The following PTPN9 variants were observed in gnomAD, a reference collection of about 807,000 sequenced individuals.
PTPN9 encodes tyrosine-protein phosphatase non-receptor type 9.
Under a neutral mutation model 69.8 loss-of-function variants are expected in PTPN9, and 26 were observed. The ratio of observed to expected loss-of-function variants is 0.37; its 90% CI spans 0.27 to 0.52. The LOEUF (loss-of-function observed/expected upper bound fraction) is 0.52. Ranked by LOEUF, PTPN9 falls within the 20% of genes least tolerant of loss-of-function variation. PTPN9 has a pLI of 0.91. For missense variants in PTPN9, 549 were observed against 740.3 expected (o/e 0.74, Z 3.00); for synonymous variants, 274 against 272.5 (o/e 1.01, Z -0.05).
At chr15:75,510,781 G>C (rs2074841965) in intron 5 of PTPN9, among the ~76,000 whole-genome samples, 1 of 151,810 alleles carries the variant, frequency 6.6e-6, no homozygotes, top group African/African-American at 2.4e-5. Context: ...CGTTAAGTAT[G>C]TTCACAATGC....
rs528339078 is a variant in PTPN9 at position 75,464,105 on chromosome 15, G to A, written c.*4664C>T. 1 of 152,474 alleles carries A rather than the reference G, an allele frequency of 6.6e-6. No individual in the cohort carries two copies. Among genetic ancestry groups the A allele is most frequent in the Admixed American group, 6.5e-5 (1 of 15,276 alleles). The allele number at this position is 152,474 out of a possible 1,614,324, so 9.4% of individuals were successfully genotyped here. ...CCAAGGGGGAAGAGAACTGAGGGAAGCTAGGGAAGTAGCAGCAGCTTGAAA... is the reference window on the plus strand; with the variant it reads ...CCAAGGGGGAAGAGAACTGAGGGAAACTAGGGAAGTAGCAGCAGCTTGAAA... On this transcript the variant is annotated 3_prime_UTR_variant, in exon 13 of 13. Coordinates refer to ENST00000618819, the MANE Select transcript of PTPN9 (RefSeq NM_002833.4).
In PTPN9 at chr15:75,468,700, C is replaced by G; in HGVS notation, c.*69G>C. 7.0e-7 allele frequency: 1 copy of G among 1,426,054 alleles called. No individual in the cohort carries two copies. Among genetic ancestry groups the G allele is most frequent in the Non-Finnish European group, 9.7e-7 (1 of 1,027,068 alleles). 88.3% of individuals were successfully genotyped at this position (1,426,054 alleles called of 1,614,324 possible). On this transcript the variant is annotated 3_prime_UTR_variant, in exon 13 of 13. Transcript: ENST00000618819. ...TGGCTTCAGCGTAACTGATGGCAAC[C>G]TATAGGCTCAGCGGTGTCCAGGGTA...
At chr15:75,476,698 C>T (rs1410027561) in intron 9 of PTPN9, among the ~76,000 whole-genome samples, 1 of 152,158 alleles carries the variant, frequency 6.6e-6, no homozygotes, top group Non-Finnish European at 1.5e-5. Context: ...TTAACATTAT[C>T]TCTGGGTCCT....
At chr15:75,559,134 C>T (rs1263174772) in intron 1 of PTPN9, among the ~76,000 whole-genome samples, 3 of 151,570 alleles carry the variant, frequency 2.0e-5, no homozygotes, top group African/African-American at 7.3e-5. Flanking sequence ...AGCGCCTCTG[C>T]CCCGCCGCCC....
At chr15:75,485,430 G>T (rs994418752) in intron 8 of PTPN9, among the ~76,000 whole-genome samples, 1 of 142,570 alleles carries the variant, frequency 7.0e-6, no homozygotes, top group Non-Finnish European at 1.5e-5. Context: ...CTGCAGTGGC[G>T]CAATCTCGGC....
chr15:75,473,884 C>A lies in PTPN9; in HGVS notation c.1130-117G>T, dbSNP rs573013429. On this transcript the variant is annotated intron_variant, in intron 9 of 12. Transcript: ENST00000618819. ...CAAACCATAGATGGTTAGCTCCCTGCTCATCTTTCCACATCCCTGCTATTC... is the reference window on the plus strand; with the variant it reads ...CAAACCATAGATGGTTAGCTCCCTGATCATCTTTCCACATCCCTGCTATTC... The A allele has an allele frequency of 6.7e-5, 50 of 742,328 alleles. No individual in the cohort carries two copies. The Admixed American group carries it at 1.1e-3, about 17-fold the overall frequency. 46.0% of individuals were successfully genotyped at this position (742,328 alleles called of 1,614,324 possible).
intron 1 of PTPN9, 50 bp downstream of exon 1, chr15:75,578,664 G>A: frequency 7.7e-7 from 1 of 1,300,562 alleles, no homozygotes; most frequent in South Asian, 2.0e-5. Flanking sequence ...GGCCGGCGTA[G>A]GCCTCGGGGG....
intron 7 of PTPN9, among the ~76,000 whole-genome samples, chr15:75,494,641 C>T (rs905215113): frequency 1.3e-5 from 2 of 152,066 alleles, no homozygotes; most frequent in East Asian, 1.9e-4. Flanking sequence ...GCTTGAGCCA[C>T]TGTGCCCAGC....
intron 5 of PTPN9, among the ~76,000 whole-genome samples, chr15:75,511,820 T>C (rs1361621276): frequency 6.6e-6 from 1 of 152,072 alleles, no homozygotes; most frequent in East Asian, 1.9e-4. Flanking sequence ...AATCCTGATA[T>C]GCTCATTTTA....
chr15:75,572,782 T>C (rs1349156321), intron 1 of PTPN9, among the ~76,000 whole-genome samples: 3 of 152,110 alleles, frequency 2.0e-5, no homozygotes, highest in Admixed American at 6.6e-5. Flanking sequence ...CAAGAAGATA[T>C]AAAGAAAATA....
chr15:75,473,849 A>C, intron 9 of PTPN9, 82 bp from the exon 10 acceptor site: 2 of 1,040,576 alleles, frequency 1.9e-6, no homozygotes, highest in Non-Finnish European at 1.5e-6. Context: ...TTACTCCCCA[A>C]TGGTAACTCC....
chr15:75,569,464 A>C (rs536965175), intron 1 of PTPN9, among the ~76,000 whole-genome samples: 21 of 151,996 alleles, frequency 1.4e-4, no homozygotes, highest in African/African-American at 4.8e-4. Context: ...CAGCACTTTG[A>C]GAGGCCGAGG....
chr15:75,482,626 G>A (rs1236534642), intron 8 of PTPN9, among the ~76,000 whole-genome samples: 1 of 148,994 alleles, frequency 6.7e-6, no homozygotes, highest in Non-Finnish European at 1.5e-5. Flanking sequence ...AAGTAATCAG[G>A]GACACAAACA....
intron 1 of PTPN9, among the ~76,000 whole-genome samples, chr15:75,547,929 G>A (rs1316007920): frequency 6.6e-6 from 1 of 151,972 alleles, no homozygotes; most frequent in Non-Finnish European, 1.5e-5. Flanking sequence ...GCCTCCCAAA[G>A]TGCTGGGATT....
intron 1 of PTPN9, among the ~76,000 whole-genome samples, chr15:75,529,624 G>A (rs2074945903): frequency 6.6e-6 from 1 of 152,062 alleles, no homozygotes; most frequent in African/African-American, 2.4e-5. Context: ...AAAAATAAAG[G>A]GAGGACCGGG....
chr15:75,482,557 T>C (rs1595948415), intron 8 of PTPN9, among the ~76,000 whole-genome samples: 1 of 88,764 alleles, frequency 1.1e-5, no homozygotes, highest in Non-Finnish European at 2.0e-5. Flanking sequence ...AGAGCGAGAC[T>C]CCGTCTCAAA....
At chr15:75,503,602 C>T (rs2074789684) in intron 7 of PTPN9, among the ~76,000 whole-genome samples, 1 of 137,184 alleles carries the variant, frequency 7.3e-6, no homozygotes, top group Non-Finnish European at 1.6e-5. Flanking sequence ...GTGGGGGGGT[C>T]AGCCCCCCGC....
In PTPN9 at chr15:75,530,215, A is replaced by G. The variant is rs533194774; in HGVS notation, c.64-2954T>C. On this transcript the variant is annotated intron_variant, in intron 1 of 12. Transcript: ENST00000618819. ...ACTCCATCTCAAAAAAAAAAAAAAA[A>G]AAAGAAAAGAAAGAAAGAAAGAAAG... 2.3e-3 allele frequency among the ~76,000 whole-genome samples: 334 copies of G among 143,402 alleles called. 2 individuals are homozygous for G. The highest frequency in any genetic ancestry group is 7.5e-3 in the African/African-American group (290 of 38,836). The allele number at this position is 143,402 out of a possible 152,430, so 94.1% of individuals were successfully genotyped here.
chr15:75,469,268 C>T (rs2074551721), intron 12 of PTPN9, among the ~76,000 whole-genome samples: 1 of 152,264 alleles, frequency 6.6e-6, no homozygotes, highest in Admixed American at 6.5e-5. Flanking sequence ...CCCAGACAGA[C>T]AGACTGACAG....
Sources: allele counts gnomAD v4.1 joint callset (sites outside exome capture counted in the v4.1 genomes callset), GRCh38; gene constraint gnomAD v4.1.1; transcripts MANE v1.5; gene names NCBI Gene and HGNC (gene_info 2026-07-23, HGNC 2026-07-21).